The following HERC4 variants were observed in gnomAD, a reference collection of about 807,000 sequenced individuals.
HERC4 encodes the protein HECT and RLD domain containing E3 ubiquitin protein ligase 4.
In HERC4, 28 loss-of-function variants were observed where a neutral mutation model predicts 124.3. The ratio of observed to expected loss-of-function variants is 0.23; its 90% confidence interval spans 0.17 to 0.31. The LOEUF (loss-of-function observed/expected upper bound fraction) is 0.31, where lower values mean the gene tolerates loss of function less well. HERC4 is among the 10% of genes least tolerant of loss of function. The probability of loss-of-function intolerance (pLI) is 1.00; values close to 1 mark genes in which losing one functional copy is unlikely to be tolerated. For missense variants in HERC4, 713 were observed against 1,229.3 expected, an observed-to-expected ratio of 0.58 and a Z score of 6.28; for synonymous variants, 407 against 421.5, an observed-to-expected ratio of 0.97 and a Z score of 0.42.
At chr10:68,073,711 TG>T (rs2041675838) in intron 1 of HERC4, 25 bp from the exon 2 acceptor site, 1 of 152,240 alleles carries the variant, frequency 6.6e-6, no homozygotes, top group East Asian at 1.9e-4. Context: ...AAACCAATAA[TG>T]GAAATTTAAA....
chr10:67,966,592 A>T, intron 16 of HERC4, 91 bp downstream of exon 16: 1 of 1,258,696 alleles, frequency 7.9e-7, no homozygotes. Context: ...GTTCTGAAAA[A>T]ACTTTCTCAT....
intron 8 of HERC4, among the ~76,000 whole-genome samples, chr10:68,024,240 T>C (rs2038789291): frequency 6.6e-6 from 1 of 152,066 alleles, no homozygotes; most frequent in Non-Finnish European, 1.5e-5. Context: ...TAACAATAAA[T>C]ATCCAAGAAA....
chr10:68,012,163 C>G (rs2037995786), intron 9 of HERC4, among the ~76,000 whole-genome samples: 1 of 152,184 alleles, frequency 6.6e-6, no homozygotes, highest in African/African-American at 2.4e-5. Flanking sequence ...AATGTTGTGG[C>G]TGGTGTGATT....
intron 9 of HERC4, among the ~76,000 whole-genome samples, chr10:68,003,545 C>T (rs1480297120): frequency 1.3e-5 from 2 of 152,026 alleles, no homozygotes; most frequent in African/African-American, 2.4e-5. Flanking sequence ...TGGTAACTAT[C>T]ATTCTATTCT....
intron 9 of HERC4, chr10:67,995,224 A>C (rs375336418): frequency 1.7e-4 from 77 of 454,882 alleles, no homozygotes; most frequent in Non-Finnish European, 2.7e-4. Flanking sequence ...CAGGAAACAC[A>C]TAATTCCTTT....
chr10:68,040,026 G>A, intron 4 of HERC4: 3 of 703,044 alleles, frequency 4.3e-6, no homozygotes, highest in Non-Finnish European at 5.2e-6. Flanking sequence ...TGTGAAGGCA[G>A]ACTATGTGTT....
At chr10:67,981,163 A>C (rs1420942134) in intron 15 of HERC4, among the ~76,000 whole-genome samples, 1 of 152,216 alleles carries the variant, frequency 6.6e-6, no homozygotes, top group East Asian at 1.9e-4. Flanking sequence ...CACTTCACTT[A>C]TAAAGACAAA....
At chr10:67,998,983 G>A (rs917168476) in intron 9 of HERC4, among the ~76,000 whole-genome samples, 3 of 151,930 alleles carry the variant, frequency 2.0e-5, no homozygotes, top group African/African-American at 7.3e-5. Context: ...CACCCATCTC[G>A]GCCTCCCAAA....
chr10:67,982,939 G>T (rs928003274), intron 15 of HERC4, among the ~76,000 whole-genome samples: 1 of 151,932 alleles, frequency 6.6e-6, no homozygotes, highest in African/African-American at 2.4e-5. Flanking sequence ...ACCAGCCTGG[G>T]CAACACGGTG....
intron 15 of HERC4, among the ~76,000 whole-genome samples, chr10:67,983,786 C>CA (rs61012367): frequency 0.28 from 27,737 of 99,992 alleles, 5,939 homozygotes; most frequent in African/African-American, 0.58. Context: ...GACTCTGTCT[C>CA]AAAAAAAAAA....
At chr10:67,933,639 G>A (rs2032055605) in intron 22 of HERC4, among the ~76,000 whole-genome samples, 1 of 152,056 alleles carries the variant, frequency 6.6e-6, no homozygotes, top group South Asian at 2.1e-4. Flanking sequence ...TATCTAGAAG[G>A]ACCTAAAATT....
At chr10:67,933,963 T>C (rs971926876) in intron 22 of HERC4, among the ~76,000 whole-genome samples, 1 of 152,208 alleles carries the variant, frequency 6.6e-6, no homozygotes, top group African/African-American at 2.4e-5. Flanking sequence ...CAACAGCCAC[T>C]ATTAAAGAAT....
intron 9 of HERC4, among the ~76,000 whole-genome samples, chr10:68,012,829 T>C (rs1269495794): frequency 6.6e-6 from 1 of 152,216 alleles, no homozygotes; most frequent in African/African-American, 2.4e-5. Flanking sequence ...TGAGTAAAGC[T>C]TATAAGCTTT....
intron 3 of HERC4, among the ~76,000 whole-genome samples, chr10:68,059,618 AATATTATATATC>A (rs1393268611): frequency 5.6e-5 from 5 of 89,894 alleles, no homozygotes; most frequent in African/African-American, 1.9e-4. Flanking sequence ...TATATATCAT[AATATTATATATC>A]ATAATATTAT....
chr10:67,990,811 G>A (rs949986026), intron 13 of HERC4, 93 bp downstream of exon 13: 3 of 689,602 alleles, frequency 4.4e-6, no homozygotes, highest in African/African-American at 3.7e-5. Flanking sequence ...AAGAGTCTGT[G>A]AAACTGCAAA....
intron 8 of HERC4, among the ~76,000 whole-genome samples, chr10:68,019,259 G>A (rs148923047): frequency 5.9e-5 from 9 of 152,178 alleles, no homozygotes; most frequent in African/African-American, 9.6e-5. Flanking sequence ...GCCTCCCAAA[G>A]TGCTGAGATT....
chr10:67,972,403 C>A (rs1333971817), intron 15 of HERC4, among the ~76,000 whole-genome samples: 1 of 151,242 alleles, frequency 6.6e-6, no homozygotes, highest in Non-Finnish European at 1.5e-5. Context: ...TGCCTGTAAT[C>A]CCAGCTACTC....
At position 68,037,107 on chromosome 10, in the gene HERC4, T is replaced by A. The variant is rs1056010046; in HGVS notation, c.463+986A>T. ...CTATTTCTTCTTTTTTTTTTTTTTT[T>A]TTTTTGAGACAGAGTCTCGCTCTGT... On this transcript the variant is annotated intron_variant, in intron 5 of 24. Transcript: ENST00000373700. Among the ~76,000 whole-genome samples, 13 of 148,674 alleles carry A rather than the reference T, an allele frequency of 8.7e-5. No individual in the cohort carries two copies. In the South Asian group the frequency reaches 2.8e-3, roughly 32 times the overall value.
chr10:67,990,878 G>A, intron 13 of HERC4, 26 bp downstream of exon 13: 1 of 1,432,528 alleles, frequency 7.0e-7, no homozygotes, highest in Admixed American at 1.9e-5. Flanking sequence ...AGATAATACT[G>A]TAAACATAAT....
Sources: allele counts gnomAD v4.1 joint callset (sites outside exome capture counted in the v4.1 genomes callset), GRCh38; gene constraint gnomAD v4.1.1; transcripts MANE v1.5; gene names NCBI Gene and HGNC (gene_info 2026-07-23, HGNC 2026-07-21).